The following GTF2E2 variants were observed in gnomAD, a reference collection of about 807,000 sequenced individuals.
GTF2E2 encodes the protein transcription initiation factor IIE subunit beta.
GTF2E2 carries 21 observed loss-of-function variants against 40.5 expected under a neutral mutation model. The observed-to-expected ratio is 0.52, with a 90% CI of 0.37 to 0.75. GTF2E2 has a LOEUF of 0.75. Ranked by LOEUF, GTF2E2 falls within the 30% of genes least tolerant of loss-of-function variation. The probability of loss-of-function intolerance (pLI) is 0.00; values close to 1 mark genes in which losing one functional copy is unlikely to be tolerated. For missense variants in GTF2E2, 298 were observed against 338.4 expected (o/e 0.88, Z 0.94); for synonymous variants, 117 against 121.6 (o/e 0.96, Z 0.25).
chr8:30,609,667 AC>A (rs1253609918), intron 5 of GTF2E2, among the ~76,000 whole-genome samples: 3 of 152,256 alleles, frequency 2.0e-5, no homozygotes. Flanking sequence ...ATCTCAAGGG[AC>A]CTCAAAAAGC....
chr8:30,634,250 C>A (rs562335353), intron 3 of GTF2E2, among the ~76,000 whole-genome samples: 8 of 152,142 alleles, frequency 5.3e-5, no homozygotes, highest in Non-Finnish European at 1.0e-4. Flanking sequence ...GAGTTCGAGA[C>A]CAGCCTGGAC....
chr8:30,614,652 G>A lies in GTF2E2; in HGVS notation c.322C>T (p.His108Tyr). The change falls in exon 4 of 8, where the codon CAT becomes TAT. Residue 108 changes from histidine (H) to tyrosine (Y), a missense_variant. His to Tyr is a moderately conservative substitution (Grantham distance 83, BLOSUM62 2). Transcript: ENST00000355904. ...TTCTGCTTGAGTCCAATATCTAAAT[G>A]TTGTGTTTCATCCAAAATTTCATCT... is the stretch of plus-strand genomic sequence containing the variant. ...TLDEILDETQ[H>Y]LDIGLKQKQW... The A allele has an allele frequency of 6.2e-7, 1 of 1,608,508 alleles. No individual in the cohort carries two copies. The highest frequency in any genetic ancestry group is 1.7e-4 in the Middle Eastern group (1 of 6,048).
intron 5 of GTF2E2, among the ~76,000 whole-genome samples, chr8:30,608,868 C>T (rs1829398621): frequency 6.6e-6 from 1 of 152,188 alleles, no homozygotes; most frequent in Admixed American, 6.5e-5. Flanking sequence ...CCTGCCTCAG[C>T]CTCCCGAGTA....
chr8:30,580,352 C>T lies in GTF2E2; in HGVS notation c.688G>A (p.Glu230Lys), dbSNP rs764969255. The T allele has an allele frequency of 6.2e-6, 10 of 1,609,640 alleles. No homozygotes were observed. Among genetic ancestry groups the T allele is most frequent in the East Asian group, 2.2e-5 (1 of 44,846 alleles). ...TTCAGATATTCTTCAATTTTCTCCT[C>T]GTCCATGGAATCTACAGTGACACTC... ...WRSVTVDSMDEEKIEEYLKRQ... is the reference protein window; with the variant it reads ...WRSVTVDSMDKEKIEEYLKRQ... Residue 230 changes from glutamate to lysine, a missense_variant, in exon 7 of 8, where the codon GAG (glutamate) becomes AAG (lysine). Physicochemically the swap from Glu to Lys is moderately conservative, Grantham distance 56. Transcript: ENST00000355904.
rs190098905 is a variant in GTF2E2, at chr8:30,593,517, G to C, written c.644-13121C>G. Among the ~76,000 whole-genome samples the C allele has an allele frequency of 2.2e-4, 33 of 152,310 alleles. No homozygotes were observed. The East Asian group carries it at 5.6e-3, about 26-fold the overall frequency. ...TAACGTCCTTTTTCTTTTTGAGACA[G>C]GCTGTGGCTCCGTCACCCAAACTGG... is the stretch of plus-strand genomic sequence containing the variant. On this transcript the variant is annotated intron_variant, in intron 6 of 7. Coordinates refer to ENST00000355904, the MANE Select transcript of GTF2E2 (RefSeq NM_002095.6).
intron 3 of GTF2E2, among the ~76,000 whole-genome samples, chr8:30,624,778 T>C (rs1411051658): frequency 1.3e-5 from 2 of 152,148 alleles, no homozygotes; most frequent in Non-Finnish European, 1.5e-5. Context: ...GAAGCAATTG[T>C]GAATGGGAGT....
In GTF2E2 at chr8:30,604,158, A is replaced by G. The variant is rs563802840; in HGVS notation, c.643+2899T>C. On this transcript the variant is annotated intron_variant, in intron 6 of 7. Transcript: ENST00000355904. ...CTACTTTTCTTTTTATGAACCCAGC[A>G]TAATAACCATAACCAAAATCTGACA... Among the ~76,000 whole-genome samples, 12 of 152,292 alleles carry G rather than the reference A, an allele frequency of 7.9e-5. No homozygotes were observed. The South Asian group carries it at 2.3e-3, about 29-fold the overall frequency.
At chr8:30,608,985 G>C (rs548153462) in intron 5 of GTF2E2, among the ~76,000 whole-genome samples, 1 of 152,066 alleles carries the variant, frequency 6.6e-6, no homozygotes, top group Non-Finnish European at 1.5e-5. Context: ...TCCTGACCTC[G>C]TGATCCACCC....
intron 3 of GTF2E2, among the ~76,000 whole-genome samples, chr8:30,630,078 T>A (rs1801398320): frequency 1.3e-5 from 2 of 152,236 alleles, no homozygotes; most frequent in South Asian, 4.1e-4. Context: ...AAATTTGTTT[T>A]ACATTAACCA....
chr8:30,650,536 A>AAG (rs1802238144), intron 2 of GTF2E2, among the ~76,000 whole-genome samples: 1 of 151,296 alleles, frequency 6.6e-6, no homozygotes, highest in Non-Finnish European at 1.5e-5. Context: ...CCAAAAAAAA[A>AAG]AAAAAAAAGT....
In GTF2E2 at chr8:30,634,020, T is replaced by C. The variant is rs564521483; in HGVS notation, c.258+1012A>G. On this transcript the variant is annotated intron_variant, in intron 3 of 7. Coordinates refer to ENST00000355904, the MANE Select transcript of GTF2E2 (RefSeq NM_002095.6). ...ATGGATGAAATTAAAATAACAAATA[T>C]AGTACTGTCTTTTTCAAGAGATGCA... is the stretch of plus-strand genomic sequence containing the variant. 7.2e-5 allele frequency among the ~76,000 whole-genome samples: 11 copies of C among 152,172 alleles called. No homozygotes were observed. The East Asian group carries it at 1.3e-3, about 19-fold the overall frequency.
chr8:30,582,192 G>C lies in GTF2E2; in HGVS notation c.644-1796C>G, dbSNP rs116948468. On this transcript the variant is annotated intron_variant, in intron 6 of 7. Transcript: ENST00000355904. ...TGCCCAGCTAAGTTGTTTCTGGGGG[G>C]GTGGGGGGTTGTGTAGAGATGAGGT... Among the ~76,000 whole-genome samples, 1,249 of 152,122 alleles carry C rather than the reference G, an allele frequency of 8.2e-3. 42 individuals carry two copies. In the East Asian group the frequency reaches 0.09, roughly 11 times the overall value.
chr8:30,581,754 C>T (rs1377099863), intron 6 of GTF2E2, among the ~76,000 whole-genome samples: 6 of 152,174 alleles, frequency 3.9e-5, no homozygotes, highest in Non-Finnish European at 2.9e-5. Context: ...TTGTCTCGGC[C>T]TCTCTAAGCT....
chr8:30,623,351 C>T (rs1434734658), intron 3 of GTF2E2, among the ~76,000 whole-genome samples: 1 of 152,056 alleles, frequency 6.6e-6, no homozygotes, highest in East Asian at 1.9e-4. Flanking sequence ...CAGCTTCATC[C>T]ATGTCCCTAC....
At chr8:30,653,643 C>T in intron 1 of GTF2E2, 41 bp from the exon 2 acceptor site, 1 of 1,427,712 alleles carries the variant, frequency 7.0e-7, no homozygotes, top group Non-Finnish European at 9.7e-7. Flanking sequence ...AAATTCAAGT[C>T]ACTCAAACCT....
At chr8:30,612,714 T>C (rs1420095175) in intron 4 of GTF2E2, among the ~76,000 whole-genome samples, 1 of 152,004 alleles carries the variant, frequency 6.6e-6, no homozygotes, top group African/African-American at 2.4e-5. Flanking sequence ...ACCCAGCGAA[T>C]TTTTGTATTT....
In GTF2E2 at chr8:30,645,304, C is replaced by G. The variant is rs1563508520; in HGVS notation, c.166+8129G>C. The G allele has an allele frequency of 9.8e-6, 15 of 1,533,428 alleles. No homozygotes were observed. The Admixed American group carries it at 3.0e-4, about 30-fold the overall frequency. The allele number at this position is 1,533,428 out of a possible 1,614,324, so 95.0% of individuals were successfully genotyped here. A position where few individuals can be genotyped will look rare whatever the true frequency, so the allele number is the denominator to read the frequency against. ...AGATTCAAAAGAGCAAGTGGAATCT[C>G]TAAGAATGGCTTCCAGCCACTGGAA... On this transcript the variant is annotated intron_variant, in intron 2 of 7. Coordinates refer to ENST00000355904, the MANE Select transcript of GTF2E2 (RefSeq NM_002095.6).
intron 2 of GTF2E2, chr8:30,645,189 C>T (rs1260421891): frequency 1.8e-6 from 2 of 1,097,106 alleles, no homozygotes; most frequent in South Asian, 1.7e-5. Flanking sequence ...TTCATGTTGC[C>T]TATACAAATT....
At chr8:30,582,983 G>A (rs1828555515) in intron 6 of GTF2E2, among the ~76,000 whole-genome samples, 1 of 152,158 alleles carries the variant, frequency 6.6e-6, no homozygotes, top group African/African-American at 2.4e-5. Flanking sequence ...ATGACTACTT[G>A]TAAGTAACTA....
Sources: allele counts gnomAD v4.1 joint callset (sites outside exome capture counted in the v4.1 genomes callset), GRCh38; gene constraint gnomAD v4.1.1; transcripts MANE v1.5; gene names NCBI Gene and HGNC (gene_info 2026-07-23, HGNC 2026-07-21).